Variants in DOCK1 observed in about 807,000 individuals in gnomAD.
DOCK1 encodes the protein dedicator of cytokinesis 1.
Under a neutral mutation model 262.7 loss-of-function variants are expected in DOCK1, and 138 were observed. The ratio of observed to expected loss-of-function variants is 0.53; its 90% CI spans 0.46 to 0.61. The LOEUF (loss-of-function observed/expected upper bound fraction) is 0.61, where lower values mean the gene tolerates loss of function less well. Among genes scored for constraint, DOCK1 ranks in the 20% least tolerant of loss-of-function variants. DOCK1 has a pLI of 0.00. For missense variants in DOCK1, 1,908 were observed against 2,370.7 expected (o/e 0.80, Z 4.05); for synonymous variants, 866 against 867.4 (o/e 1.00, Z 0.03).
At chr10:127,067,655 T>A (rs559208389) in intron 23 of DOCK1, among the ~76,000 whole-genome samples, 2 of 152,210 alleles carry the variant, frequency 1.3e-5, no homozygotes, top group African/African-American at 4.8e-5. Flanking sequence ...TCTAGACTAA[T>A]GTATTTCAGT....
chr10:126,960,973 A>T (rs913325821), intron 1 of DOCK1, among the ~76,000 whole-genome samples: 2 of 151,778 alleles, frequency 1.3e-5, no homozygotes, highest in African/African-American at 2.4e-5. Flanking sequence ...TACTGTGTCT[A>T]TCAGTTCAGT....
At chr10:127,215,666 G>T (rs1336471576) in intron 27 of DOCK1, among the ~76,000 whole-genome samples, 1 of 152,028 alleles carries the variant, frequency 6.6e-6, no homozygotes, top group Non-Finnish European at 1.5e-5. Context: ...CCATTCAAAG[G>T]CTTAAAATAT....
rs577733491 is a variant in DOCK1 at position 127,378,939 on chromosome 10, T to TA, written c.3676-1142dup. 1.8e-4 allele frequency among the ~76,000 whole-genome samples: 27 copies of TA among 152,368 alleles called. 2 individuals carry two copies. The South Asian group carries it at 5.2e-3, about 29-fold the overall frequency. On this transcript the variant is annotated intron_variant, in intron 35 of 51. Coordinates refer to ENST00000623213, the MANE Select transcript of DOCK1 (RefSeq NM_001290223.2). ...TGTGCCCCCGCTTATTTTCTAGACT[T>TA]AGTTATCATTTCTTTTCAGAGACAT...
rs903465854 is a variant in DOCK1 at position 127,000,180 on chromosome 10, A to G, written c.858A>G (p.Gly286=). 6.8e-6 allele frequency: 11 copies of G among 1,613,824 alleles called. No individual in the cohort carries two copies. The African/African-American group carries it at 1.1e-4, about 16-fold the overall frequency. The change falls in exon 10 of 52, where the codon GGA becomes GGG. Residue 286 remains glycine, a synonymous_variant. Transcript: ENST00000623213. ...HNLRAVFTDL[G]SKDLKREKIS... ...GAAACTAATATTTCTAGGACCTCGG[A>G]AGCAAAGACCTGAAAAGGGAGAAAA...
intron 27 of DOCK1, among the ~76,000 whole-genome samples, chr10:127,244,465 C>G (rs1392068240): frequency 6.6e-6 from 1 of 152,146 alleles, no homozygotes. Flanking sequence ...AACCTATCTC[C>G]AAATCACTTT....
At chr10:126,912,778 C>T (rs915819411) in intron 1 of DOCK1, among the ~76,000 whole-genome samples, 2 of 151,754 alleles carry the variant, frequency 1.3e-5, no homozygotes, top group South Asian at 2.1e-4. Flanking sequence ...TGGATAAGGG[C>T]CTACCCTACC....
At chr10:126,998,366 C>T (rs2040358081) in intron 8 of DOCK1, 117 bp downstream of exon 8, 1 of 1,362,286 alleles carries the variant, frequency 7.3e-7, no homozygotes, top group Non-Finnish European at 1.0e-6. Flanking sequence ...GGCTGCTGGA[C>T]ACGAGCAAGC....
chr10:127,385,707 G>A (rs7098963), intron 38 of DOCK1, among the ~76,000 whole-genome samples: 16,395 of 152,228 alleles, frequency 0.11, 1,238 homozygotes, highest in African/African-American at 0.22. Context: ...CAGTGTTGGC[G>A]TGGCCGCCCC....
At chr10:127,163,634 T>C (rs977556942) in intron 27 of DOCK1, among the ~76,000 whole-genome samples, 48 of 152,182 alleles carry the variant, frequency 3.2e-4, no homozygotes, top group African/African-American at 1.1e-3. Context: ...CTCACAATTT[T>C]GTGATGCGTC....
chr10:127,402,512 A>G (rs762042091), intron 38 of DOCK1, among the ~76,000 whole-genome samples: 3 of 152,264 alleles, frequency 2.0e-5, no homozygotes, highest in Non-Finnish European at 2.9e-5. Context: ...CTTTATATCC[A>G]TAGCATAGTC....
chr10:127,042,902 C>G (rs2044113557), intron 20 of DOCK1, among the ~76,000 whole-genome samples, 162 bp from the exon 21 acceptor site: 1 of 151,944 alleles, frequency 6.6e-6, no homozygotes, highest in Non-Finnish European at 1.5e-5. Flanking sequence ...TGTAGTTAGG[C>G]AAATGTCATT....
chr10:127,361,336 G>C (rs764838812), intron 32 of DOCK1, among the ~76,000 whole-genome samples: 26 of 151,902 alleles, frequency 1.7e-4, no homozygotes, highest in Non-Finnish European at 2.8e-4. Flanking sequence ...GGATGGTCTC[G>C]ATCTCCTGAC....
chr10:127,202,082 G>A (rs183288067), intron 27 of DOCK1, among the ~76,000 whole-genome samples: 1,980 of 152,228 alleles, frequency 0.013, 26 homozygotes, highest in Non-Finnish European at 0.019. Flanking sequence ...GAGCATTTTG[G>A]GAGGCCAAGG....
chr10:127,000,106 C>G (rs1447998692), intron 9 of DOCK1, 66 bp from the exon 10 acceptor site: 25 of 1,569,578 alleles, frequency 1.6e-5, no homozygotes, highest in Non-Finnish European at 1.8e-5. Flanking sequence ...TTTTACTGTC[C>G]TTTTCATTGG....
chr10:127,409,347 T>G lies in DOCK1; in HGVS notation c.4299T>G (p.Asp1433Glu). 1 of 1,614,010 alleles carries G rather than the reference T, an allele frequency of 6.2e-7. No homozygotes were observed. The highest frequency in any genetic ancestry group is 8.5e-7 in the Non-Finnish European group (1 of 1,179,894). ...GCTTCACAGTGAAGCCCAAACTCGA[T>G]CTGCCTCCTAAGTTTCACAGGCCAG... ...IQCFTVKPKLDLPPKFHRPVS... is the reference protein window; with the variant it reads ...IQCFTVKPKLELPPKFHRPVS... Residue 1433 changes from aspartate (D) to glutamate (E), a missense_variant, in exon 42 of 52, where the codon GAT becomes GAG. Around this residue, in one of 9 missense-constraint regions of DOCK1, gnomAD observed 267 missense variants for 366.3 expected, o/e 0.73. Coordinates refer to ENST00000623213, the MANE Select transcript of DOCK1 (RefSeq NM_001290223.2).
At chr10:127,168,073 A>G (rs1342184937) in intron 27 of DOCK1, among the ~76,000 whole-genome samples, 1 of 152,128 alleles carries the variant, frequency 6.6e-6, no homozygotes, top group Non-Finnish European at 1.5e-5. Flanking sequence ...TTACAGAGAA[A>G]AGCTGAGGTC....
intron 29 of DOCK1, among the ~76,000 whole-genome samples, chr10:127,337,994 G>A (rs772696752): frequency 2.0e-5 from 3 of 152,138 alleles, no homozygotes; most frequent in East Asian, 1.9e-4. Context: ...GCCTTTTAGC[G>A]GCTGTGACAT....
intron 18 of DOCK1, among the ~76,000 whole-genome samples, chr10:127,036,897 A>G (rs1459764999): frequency 6.6e-6 from 1 of 151,228 alleles, no homozygotes; most frequent in Non-Finnish European, 1.5e-5. Flanking sequence ...AAATCTCTTG[A>G]ACCCAGGAGG....
intron 12 of DOCK1, among the ~76,000 whole-genome samples, chr10:127,017,186 C>CAAAT (rs1403471427): frequency 2.2e-5 from 1 of 45,842 alleles, no homozygotes; most frequent in Non-Finnish European, 5.7e-5. Flanking sequence ...AGATACACCA[C>CAAAT]ACATACACAC....
Sources: allele counts gnomAD v4.1 joint callset (sites outside exome capture counted in the v4.1 genomes callset), GRCh38; gene constraint gnomAD v4.1.1; regional missense constraint gnomAD v4.1.1; transcripts MANE v1.5; gene names NCBI Gene and HGNC (gene_info 2026-07-23, HGNC 2026-07-21).